The following SMIM36 variants were observed in gnomAD, a reference collection of about 807,000 sequenced individuals.
SMIM36 encodes small integral membrane protein 36.
rs1176954547 is a variant in SMIM36 at position 55,501,390 on chromosome 17, TATATTATATATTATTATATATTATAAA to T, written c.*174+9462_*174+9488del. On this transcript the variant is annotated intron_variant, in intron 1 of 4. Coordinates refer to ENST00000636752, the Ensembl canonical transcript of SMIM36. ...ATATATTATATATTATAGAATATAATATATTATATATTATTATATATTATAAAATATAATATATTATTATATATTATA... is the reference window on the plus strand; with the variant it reads ...ATATATTATATATTATAGAATATAATATATAATATATTATTATATATTATA... 6.2e-4 allele frequency among the ~76,000 whole-genome samples: 38 copies of T among 61,752 alleles called. 3 individuals carry two copies. Among genetic ancestry groups the T allele is most frequent in the African/African-American group, 2.3e-3 (24 of 10,538 alleles). The allele number at this position is 61,752 out of a possible 152,430, so 40.5% of individuals were successfully genotyped here.
intron 1 of SMIM36, among the ~76,000 whole-genome samples, chr17:55,492,681 T>C (rs1471880941): frequency 6.7e-6 from 1 of 149,996 alleles, no homozygotes; most frequent in Non-Finnish European, 1.5e-5. Flanking sequence ...ATTGCGAACA[T>C]CTTATAAAAA....
At chr17:55,458,018 T>C (rs1038896943) in intron 4 of SMIM36, among the ~76,000 whole-genome samples, 5 of 152,190 alleles carry the variant, frequency 3.3e-5, no homozygotes, top group African/African-American at 1.2e-4. Flanking sequence ...TCTCCGCTTT[T>C]AGAGTGTGTC....
chr17:55,523,571 G>A, the SMIM36 span, among the ~76,000 whole-genome samples: 1 of 151,218 alleles, frequency 6.6e-6, no homozygotes, highest in Admixed American at 6.6e-5. Flanking sequence ...AAGCAAGGAA[G>A]CAGCTATAGA....
At chr17:55,453,158 A>G (rs529450778) in intron 4 of SMIM36, among the ~76,000 whole-genome samples, 1 of 152,184 alleles carries the variant, frequency 6.6e-6, no homozygotes, top group Admixed American at 6.5e-5. Context: ...ACACAACAAA[A>G]TTTTTAAATT....
chr17:55,516,813 G>C, the SMIM36 span, among the ~76,000 whole-genome samples: 1 of 152,074 alleles, frequency 6.6e-6, no homozygotes, highest in Non-Finnish European at 1.5e-5. Context: ...ACCTGCCTCG[G>C]CCTCCTAAAG....
rs1201164203 is a variant in SMIM36, at chr17:55,477,631, A to C, written c.*347+1131T>G. The stretch of plus-strand genomic sequence containing the variant: ...TTTTTAGGGAGACACAATTCAACCC[A>C]TAACAGGAGTCACACAGATCTGGGT... On this transcript the variant is annotated intron_variant, in intron 3 of 4. Transcript: ENST00000636752. 2.0e-5 allele frequency among the ~76,000 whole-genome samples: 3 copies of C among 152,184 alleles called. No homozygotes were observed. In the East Asian group the frequency reaches 5.8e-4, roughly 29 times the overall value.
At chr17:55,509,431 A>T (rs1439197629) in intron 1 of SMIM36, among the ~76,000 whole-genome samples, 1 of 152,224 alleles carries the variant, frequency 6.6e-6, no homozygotes. Context: ...AAATCATCTT[A>T]TCTTTGGTAC....
chr17:55,501,336 ATATT>A (rs1293203391), intron 1 of SMIM36, among the ~76,000 whole-genome samples: 13 of 54,930 alleles, frequency 2.4e-4, no homozygotes, highest in South Asian at 1.5e-3. Flanking sequence ...AATATATAAT[ATATT>A]ATATATTATA....
At chr17:55,525,736 C>A in the SMIM36 span, among the ~76,000 whole-genome samples, 2 of 152,072 alleles carry the variant, frequency 1.3e-5, no homozygotes, top group Non-Finnish European at 1.5e-5. Context: ...CGGCTCACTG[C>A]AACCTCTGCC....
chr17:55,498,828 G>A (rs975876612), intron 1 of SMIM36, among the ~76,000 whole-genome samples: 1 of 151,410 alleles, frequency 6.6e-6, no homozygotes, highest in Non-Finnish European at 1.5e-5. Context: ...ACAAAACCCC[G>A]TCTCTACTAA....
intron 1 of SMIM36, among the ~76,000 whole-genome samples, chr17:55,502,448 C>A (rs1463480806): frequency 1.9e-5 from 2 of 103,944 alleles, no homozygotes; most frequent in Admixed American, 8.6e-5. Flanking sequence ...TGGGAGGCAC[C>A]CCCCAGCAGG....
At chr17:55,478,846 G>A (rs1209216348) in intron 2 of SMIM36, 33 bp from the exon 3 acceptor site, 1 of 152,108 alleles carries the variant, frequency 6.6e-6, no homozygotes, top group Non-Finnish European at 1.5e-5. Flanking sequence ...TGGGTTAAAT[G>A]TTCATTGGTG....
At chr17:55,485,936 T>C (rs1037396953) in intron 1 of SMIM36, among the ~76,000 whole-genome samples, 1 of 152,200 alleles carries the variant, frequency 6.6e-6, no homozygotes, top group Admixed American at 6.5e-5. Context: ...ATGCTTAATG[T>C]TAATTTCCAA....
At chr17:55,480,049 T>C (rs1272644228) in intron 1 of SMIM36, among the ~76,000 whole-genome samples, 1 of 152,086 alleles carries the variant, frequency 6.6e-6, no homozygotes, top group Admixed American at 6.6e-5. Flanking sequence ...GAAAGGCTCT[T>C]AGGATGTCCT....
chr17:55,501,029 A>T (rs1233397160), intron 1 of SMIM36, among the ~76,000 whole-genome samples: 1 of 55,878 alleles, frequency 1.8e-5, no homozygotes, highest in Non-Finnish European at 2.6e-5. Context: ...GTAATATATA[A>T]TATATTATTA....
chr17:55,497,740 G>C (rs1909834321), intron 1 of SMIM36, among the ~76,000 whole-genome samples: 1 of 152,086 alleles, frequency 6.6e-6, no homozygotes, highest in Non-Finnish European at 1.5e-5. Flanking sequence ...CACAACAAAT[G>C]GTTACTCAGC....
the SMIM36 span, among the ~76,000 whole-genome samples, chr17:55,531,296 T>C: frequency 1.3e-5 from 2 of 152,202 alleles, no homozygotes; most frequent in East Asian, 3.9e-4. Flanking sequence ...CCTTTTGGCT[T>C]GGTGAACCCT....
chr17:55,530,070 G>A, the SMIM36 span, among the ~76,000 whole-genome samples: 218 of 152,304 alleles, frequency 1.4e-3, 5 homozygotes, highest in East Asian at 7.9e-3. Context: ...AAGCCCTAGC[G>A]AGGAAAGAGA....
At chr17:55,522,466 T>C in the SMIM36 span, among the ~76,000 whole-genome samples, 1 of 152,298 alleles carries the variant, frequency 6.6e-6, no homozygotes, top group Middle Eastern at 3.4e-3. Flanking sequence ...CTCACAATCA[T>C]GGCAGAAGGT....
Sources: allele counts gnomAD v4.1 joint callset (sites outside exome capture counted in the v4.1 genomes callset), GRCh38; gene constraint gnomAD v4.1.1; transcripts MANE v1.5; gene names NCBI Gene and HGNC (gene_info 2026-07-23, HGNC 2026-07-21).